The following OBP2A variants were observed in gnomAD, a reference collection of about 807,000 sequenced individuals.
OBP2A encodes the protein odorant binding protein 2A, also known as odorant-binding protein 2a.
A neutral mutation model predicts 21.9 loss-of-function variants in OBP2A; 15 were observed. The observed-to-expected ratio is 0.69, with a 90% confidence interval of 0.46 to 1.06. The LOEUF (loss-of-function observed/expected upper bound fraction) is 1.06, where lower values mean the gene tolerates loss of function less well. Among genes scored for constraint, OBP2A ranks in the 50% least tolerant of loss-of-function variants. The pLI is 0.00. For missense variants in OBP2A, 192 were observed against 220.1 expected (o/e 0.87, Z 0.81); for synonymous variants, 86 against 91.8 (o/e 0.94, Z 0.36).
At chr9:135,548,624 C>G in intron 4 of OBP2A, 84 bp from the exon 5 acceptor site, 2 of 1,589,958 alleles carry the variant, frequency 1.3e-6, no homozygotes, top group Non-Finnish European at 1.7e-6. Flanking sequence ...GATGCTGGGC[C>G]GTGGTCGTCT....
At position 135,548,831 on chromosome 9, in the gene OBP2A, A is replaced by C. The variant is rs112494252; in HGVS notation, c.490+22A>C. On this transcript the variant is annotated intron_variant, in intron 5 of 6. Transcript: ENST00000371776. ...ACGGGTGAGGACGGCTGTGCCCAGT[A>C]CCCCGTGTTCCCCTGTGTCTCTGTG... is the stretch of plus-strand genomic sequence containing the variant. The C allele has an allele frequency of 3.2e-4, 522 of 1,611,808 alleles. 3 individuals are homozygous for C. In the African/African-American group the frequency reaches 5.7e-3, roughly 17 times the overall value.
chr9:135,548,042 G>C (rs1724303886), intron 4 of OBP2A, 61 bp downstream of exon 4: 2 of 1,242,344 alleles, frequency 1.6e-6, no homozygotes, highest in Non-Finnish European at 2.3e-6. Flanking sequence ...AGAAGCCAGT[G>C]GAACCACCAT....
chr9:135,546,740 G>A, intron 1 of OBP2A, 38 bp from the exon 2 acceptor site: 2 of 1,562,788 alleles, frequency 1.3e-6, no homozygotes, highest in Non-Finnish European at 1.7e-6. Context: ...TAGAATCTGG[G>A]CCACCCATGG....
chr9:135,547,322 C>T (rs1261071132), intron 3 of OBP2A, 74 bp downstream of exon 3: 2 of 1,502,814 alleles, frequency 1.3e-6, no homozygotes, highest in Non-Finnish European at 1.8e-6. Context: ...GTGGAGAGTG[C>T]CCAGGCCACA....
chr9:135,547,212 A>G lies in OBP2A; in HGVS notation c.241A>G (p.Met81Val), dbSNP rs1831963104. 6.2e-7 allele frequency: 1 copy of G among 1,613,120 alleles called. No individual in the cohort carries two copies. Residue 81 changes from methionine (M) to valine (V), a missense_variant, in exon 3 of 7, where the codon ATG becomes GTG. Transcript: ENST00000371776. ...TCGGTGCATCCAGAAGAAAATCCTGATGCGGAAGACGGAGGAGCCTGGCAA... is the reference window on the plus strand; with the variant it reads ...TCGGTGCATCCAGAAGAAAATCCTGGTGCGGAAGACGGAGGAGCCTGGCAA... ...EDRCIQKKIL[M>V]RKTEEPGKFS... is the part of the protein sequence containing the mutation.
At position 135,548,719 on chromosome 9, in the gene OBP2A, A is replaced by G. The variant is rs1176424286; in HGVS notation, c.400A>G (p.Asn134Asp). 3.7e-6 allele frequency: 6 copies of G among 1,613,818 alleles called. No individual in the cohort carries two copies. Among genetic ancestry groups the G allele is most frequent in the Non-Finnish European group, 5.1e-6 (6 of 1,179,862 alleles). The stretch of plus-strand genomic sequence containing the variant: ...CACCTCACCTGCAGGTAGGAATCCT[A>G]ATACCAACCTGGAGGCCCTGGAAGA... ...YMGKLVGRNPNTNLEALEEFK... is the reference protein window; with the variant it reads ...YMGKLVGRNPDTNLEALEEFK... The change falls in exon 5 of 7, where the codon AAT (asparagine) becomes GAT (aspartate). Residue 134 changes from asparagine (N) to aspartate (D), a missense_variant. Physicochemically the swap from Asn to Asp is conservative, Grantham distance 23. Coordinates refer to ENST00000371776, the MANE Select transcript of OBP2A (RefSeq NM_014582.3).
At position 135,547,942 on chromosome 9, in the gene OBP2A, C is replaced by T. The variant is rs760091391; in HGVS notation, c.349C>T (p.Gln117Ter). The change falls in exon 4 of 7, where the codon CAG becomes TAG. Residue 117 changes from glutamine (Q) to a stop codon, truncating the protein, a stop_gained. Coordinates refer to ENST00000371776, the MANE Select transcript of OBP2A (RefSeq NM_014582.3). LOFTEE classifies it high-confidence loss of function. Reference protein sequence around the residue: ...TDDYVFYCKDQRRGGLRYMGK... With the variant: ...TDDYVFYCKD The stretch of plus-strand genomic sequence containing the variant: ...CGACTACGTCTTTTACTGCAAAGAC[C>T]AGCGCCGTGGGGGCCTGCGCTACAT... 2 of 1,613,376 alleles carry T rather than the reference C, an allele frequency of 1.2e-6. No individual in the cohort carries two copies. Among genetic ancestry groups the T allele is most frequent in the Admixed American group, 1.7e-5 (1 of 59,962 alleles).
chr9:135,548,027 C>T lies in OBP2A; in HGVS notation c.388+46C>T, dbSNP rs775438415. On this transcript the variant is annotated intron_variant, in intron 4 of 6. Transcript: ENST00000371776. ...TGCATGTCCTGCCCCATGGTCTCTG[C>T]CTCCAGAAGCCAGTGGAACCACCAT... is the stretch of plus-strand genomic sequence containing the variant. 13 of 1,355,856 alleles carry T rather than the reference C, an allele frequency of 9.6e-6. No individual in the cohort carries two copies. The African/African-American group carries it at 1.7e-4, about 18-fold the overall frequency. The allele number at this position is 1,355,856 out of a possible 1,614,324, so 84.0% of individuals were successfully genotyped here. A position where few individuals can be genotyped will look rare whatever the true frequency, so the allele number is the denominator to read the frequency against.
chr9:135,547,281 C>T, intron 3 of OBP2A, 33 bp downstream of exon 3: 3 of 1,607,504 alleles, frequency 1.9e-6, no homozygotes, highest in Non-Finnish European at 2.6e-6. Flanking sequence ...ACTCCCCATG[C>T]CCAACCCCGG....
intron 3 of OBP2A, 28 bp from the exon 4 acceptor site, chr9:135,547,843 G>T: frequency 6.5e-7 from 1 of 1,528,502 alleles, no homozygotes; most frequent in Non-Finnish European, 9.0e-7. Flanking sequence ...TGAGGGCACT[G>T]AAGACCCATC....
intron 3 of OBP2A, 145 bp downstream of exon 3, chr9:135,547,393 G>C: frequency 1.0e-6 from 1 of 973,986 alleles, no homozygotes; most frequent in South Asian, 1.4e-5. Context: ...CCTTCCTGGG[G>C]GGCTGGTGGC....
chr9:135,547,706 G>A (rs556680371), intron 3 of OBP2A, among the ~76,000 whole-genome samples, 165 bp from the exon 4 acceptor site: 37 of 152,342 alleles, frequency 2.4e-4, no homozygotes, highest in Non-Finnish European at 4.4e-4. Flanking sequence ...GGAGGCTCCT[G>A]CCTCCGTGTC....
chr9:135,546,865 G>A lies in OBP2A; in HGVS notation c.160G>A (p.Val54Met). Residue 54 changes from valine to methionine, a missense_variant, in exon 2 of 7, where the codon GTG becomes ATG. Val to Met is a conservative substitution (Grantham distance 21, BLOSUM62 1). Coordinates refer to ENST00000371776, the MANE Select transcript of OBP2A (RefSeq NM_014582.3). ...RRPRKVSPVK[V>M]TALGGGNLEA... ...GCCCAGGAAGGTGTCCCCAGTGAAG[G>A]TGACAGCCCTGGGCGGTGGGAACTT... 1 of 1,613,806 alleles carries A rather than the reference G, an allele frequency of 6.2e-7. No homozygotes were observed. The highest frequency in any genetic ancestry group is 1.3e-5 in the African/African-American group (1 of 75,032).
chr9:135,547,896 G>T lies in OBP2A; in HGVS notation c.303G>T (p.Leu101=), dbSNP rs746016575. The change falls in exon 4 of 7, where the codon CTG becomes CTT. Residue 101 remains leucine, a synonymous_variant. Transcript: ENST00000371776. ...ATGGGGGCAGGAAGCTCATATACCTGCAGGAGCTGCCCGGGACGGACGACT... is the reference window on the plus strand; with the variant it reads ...ATGGGGGCAGGAAGCTCATATACCTTCAGGAGCTGCCCGGGACGGACGACT... The part of the protein sequence containing the change: ...SAYGGRKLIY[L]QELPGTDDYV... 6 of 1,612,528 alleles carry T rather than the reference G, an allele frequency of 3.7e-6. No individual in the cohort carries two copies. The East Asian group carries it at 1.1e-4, about 30-fold the overall frequency.
intron 1 of OBP2A, 62 bp from the exon 2 acceptor site, chr9:135,546,716 T>C (rs1831942155): frequency 7.1e-6 from 11 of 1,542,056 alleles, no homozygotes; most frequent in Non-Finnish European, 9.6e-6. Context: ...CAGGCCTGAG[T>C]GCCAGGGTCA....
chr9:135,548,911 T>C (rs1468357938), intron 5 of OBP2A, 102 bp downstream of exon 5: 6 of 1,257,602 alleles, frequency 4.8e-6, no homozygotes, highest in East Asian at 2.3e-5. Context: ...GCATTCCCCG[T>C]GTGCCCCGAG....
rs778472305 is a variant in OBP2A, at chr9:135,547,888, A to T, written c.295A>T (p.Ile99Leu). The T allele has an allele frequency of 6.2e-7, 1 of 1,611,052 alleles. No homozygotes were observed. Among genetic ancestry groups the T allele is most frequent in the East Asian group, 2.2e-5 (1 of 44,852 alleles). ...ATCTACAGATGGGGGCAGGAAGCTC[A>T]TATACCTGCAGGAGCTGCCCGGGAC... ...KFSAYGGRKLIYLQELPGTDD... is the reference protein window; with the variant it reads ...KFSAYGGRKLLYLQELPGTDD... Residue 99 changes from isoleucine (I) to leucine (L), a missense_variant, in exon 4 of 7, where the codon ATA becomes TTA. By Grantham distance (5) the Ile-to-Leu change is conservative. Transcript: ENST00000371776.
chr9:135,548,963 G>A (rs980970369), intron 5 of OBP2A, among the ~76,000 whole-genome samples, 154 bp downstream of exon 5: 1 of 152,124 alleles, frequency 6.6e-6, no homozygotes, highest in Non-Finnish European at 1.5e-5. Context: ...CATCCTCGTC[G>A]TTGGAGGGTC....
intron 1 of OBP2A, among the ~76,000 whole-genome samples, 187 bp downstream of exon 1, chr9:135,546,439 G>A (rs1382853757): frequency 5.3e-5 from 8 of 151,902 alleles, no homozygotes; most frequent in East Asian, 1.9e-4. Flanking sequence ...GCCCAGGGCC[G>A]GAGCAGGCTC....
Sources: gnomAD v4.1 joint callset for allele counts (sites outside exome capture counted in the v4.1 genomes callset) on GRCh38, gnomAD v4.1.1 for gene constraint, MANE v1.5 for transcripts, NCBI Gene and HGNC (gene_info 2026-07-23, HGNC 2026-07-21) for gene names.